Variants in TMEM128 observed in about 807,000 individuals in gnomAD.
TMEM128 encodes the protein transmembrane protein 128.
TMEM128 carries 16 observed loss-of-function variants against 19.7 expected under a neutral mutation model. The observed-to-expected ratio is 0.81, with a 90% CI of 0.55 to 1.23. The LOEUF is 1.23. Ranked by LOEUF, TMEM128 falls within the 50% of genes most tolerant of loss-of-function variation. The probability of loss-of-function intolerance (pLI) is 0.00; values close to 1 mark genes in which losing one functional copy is unlikely to be tolerated. For missense variants in TMEM128, 237 were observed against 200.8 expected, an observed-to-expected ratio of 1.18 and a Z score of -1.09; for synonymous variants, 98 against 75.8, an observed-to-expected ratio of 1.29 and a Z score of -1.52.
intron 1 of TMEM128, chr4:4,247,460 A>T: frequency 3.5e-6 from 4 of 1,133,432 alleles, no homozygotes; most frequent in Non-Finnish European, 5.0e-6. Context: ...AAAACATATG[A>T]GATAAAAAAT....
rs147522768 is a variant in TMEM128 at position 4,237,885 on chromosome 4, A to G, written c.449T>C (p.Leu150Ser). The G allele has an allele frequency of 1.6e-4, 259 of 1,607,938 alleles. No individual in the cohort carries two copies. The highest frequency in any genetic ancestry group is 2.1e-4 in the Non-Finnish European group (250 of 1,176,762). Residue 150 changes from leucine (L) to serine (S), a missense_variant, in exon 4 of 5, where the codon TTG becomes TCG. By Grantham distance (145) the Leu-to-Ser change is moderately radical. Transcript: ENST00000382753. ...HVWSFFTPLL[L>S]FTQFMGVVMF... ...GACAACCCCCATAAACTGGGTAAAC[A>G]ACAACAATGGAGTGAAAAACGACCA...
intron 2 of TMEM128, among the ~76,000 whole-genome samples, chr4:4,244,457 G>C (rs1019297589): frequency 6.6e-6 from 1 of 152,160 alleles, no homozygotes; most frequent in Non-Finnish European, 1.5e-5. Context: ...CTGGGTGACA[G>C]AGTGCAGCGA....
intron 3 of TMEM128, among the ~76,000 whole-genome samples, chr4:4,239,077 A>T (rs1717841080): frequency 6.6e-6 from 1 of 152,096 alleles, no homozygotes; most frequent in South Asian, 2.1e-4. Context: ...AGAAAGAAAA[A>T]ACTAGAGAGC....
intron 2 of TMEM128, among the ~76,000 whole-genome samples, chr4:4,243,791 T>C (rs1364630974): frequency 6.6e-6 from 1 of 151,972 alleles, no homozygotes; most frequent in East Asian, 1.9e-4. Context: ...AGTTATGTGG[T>C]CCTGGGCACT....
intron 2 of TMEM128, among the ~76,000 whole-genome samples, chr4:4,244,511 C>G (rs545513030): frequency 1.3e-5 from 2 of 152,252 alleles, no homozygotes; most frequent in African/African-American, 4.8e-5. Context: ...ATCCATCCCT[C>G]TTTTCCCAGC....
chr4:4,243,168 C>T (rs908150686), intron 2 of TMEM128, among the ~76,000 whole-genome samples: 1 of 152,194 alleles, frequency 6.6e-6, no homozygotes, highest in Non-Finnish European at 1.5e-5. Flanking sequence ...CAATCTCCAC[C>T]TGCTGGGTTC....
rs1413468656 is a variant in TMEM128, at chr4:4,235,617, G to A, written c.*649C>T. ...AAAAGTGATTAAAACTTCACATTAG[G>A]AAATGCTAAAAACCCAGTAATGTAC... On this transcript the variant is annotated 3_prime_UTR_variant, in exon 5 of 5. Coordinates refer to ENST00000382753, the MANE Select transcript of TMEM128 (RefSeq NM_001297551.2). The A allele has an allele frequency of 6.6e-6, 1 of 152,500 alleles. No homozygotes were observed. Among genetic ancestry groups the A allele is most frequent in the South Asian group, 2.1e-4 (1 of 4,822 alleles). The allele number at this position is 152,500 out of a possible 1,614,324, so 9.4% of individuals were successfully genotyped here.
At chr4:4,245,556 G>A (rs1017946025) in intron 2 of TMEM128, among the ~76,000 whole-genome samples, 2 of 152,036 alleles carry the variant, frequency 1.3e-5, no homozygotes, top group Non-Finnish European at 2.9e-5. Flanking sequence ...AAATGGATTA[G>A]GTTCTTCTTA....
chr4:4,247,719 T>G, intron 1 of TMEM128: 1 of 1,594,196 alleles, frequency 6.3e-7, no homozygotes, highest in East Asian at 2.2e-5. Flanking sequence ...CAAATTTACT[T>G]AAACAGCTTT....
intron 2 of TMEM128, among the ~76,000 whole-genome samples, chr4:4,242,581 C>G (rs913075746): frequency 6.6e-6 from 1 of 151,808 alleles, no homozygotes; most frequent in East Asian, 2.0e-4. Flanking sequence ...TGCAATGGCA[C>G]GATCTCGGCT....
chr4:4,238,092 T>C (rs1336546846), intron 3 of TMEM128, among the ~76,000 whole-genome samples, 157 bp from the exon 4 acceptor site: 9 of 152,250 alleles, frequency 5.9e-5, no homozygotes, highest in Non-Finnish European at 5.9e-5. Context: ...TAGCCAATGC[T>C]GGAAAGGAAA....
At chr4:4,244,129 C>T (rs67916276) in intron 2 of TMEM128, among the ~76,000 whole-genome samples, 25,315 of 152,044 alleles carry the variant, frequency 0.17, 2,196 homozygotes, top group East Asian at 0.3. Flanking sequence ...TCTCAGCCTC[C>T]ATAAAGTATC....
At chr4:4,236,487 G>A (rs1455584404) in intron 4 of TMEM128, among the ~76,000 whole-genome samples, 1 of 152,164 alleles carries the variant, frequency 6.6e-6, no homozygotes, top group African/African-American at 2.4e-5. Flanking sequence ...CAAAGAAGGG[G>A]CTGAGAACAC....
At chr4:4,246,088 C>T (rs767552155) in intron 2 of TMEM128, 114 bp downstream of exon 2, 5 of 1,118,534 alleles carry the variant, frequency 4.5e-6, no homozygotes, top group Admixed American at 5.5e-5. Context: ...ACACCTCCAA[C>T]ACAGGGCCTG....
intron 3 of TMEM128, among the ~76,000 whole-genome samples, chr4:4,238,859 C>A (rs1309288426): frequency 6.6e-6 from 1 of 152,080 alleles, no homozygotes; most frequent in East Asian, 1.9e-4. Context: ...ACAGCGAAAC[C>A]CCATCTCTAC....
At chr4:4,242,390 T>C (rs1577196506) in intron 2 of TMEM128, among the ~76,000 whole-genome samples, 1 of 151,928 alleles carries the variant, frequency 6.6e-6, no homozygotes, top group African/African-American at 2.4e-5. Flanking sequence ...ATAAATGATA[T>C]AGTTTATCTA....
Position 4,248,089 on chromosome 4 carries a change from C to T in TMEM128, c.97+17G>A, listed in dbSNP as rs1391535708. The T allele has an allele frequency of 6.5e-7, 1 of 1,535,526 alleles. No homozygotes were observed. Among genetic ancestry groups the T allele is most frequent in the Non-Finnish European group, 8.7e-7 (1 of 1,144,204 alleles). The stretch of plus-strand genomic sequence containing the variant: ...CTCGCCTCTGAGAACCTCGGGGCGG[C>T]TTGGTGCGCGCCTCACCCGGCCCGG... On this transcript the variant is annotated intron_variant, in intron 1 of 4. Transcript: ENST00000382753.
chr4:4,235,725 A>G lies in TMEM128; in HGVS notation c.*541T>C, dbSNP rs1717692209. ...ACCTAACAAAACTATCATAAATATG[A>G]GATTATAGTAATTACTAAAGCTGGT... On this transcript the variant is annotated 3_prime_UTR_variant, in exon 5 of 5. Coordinates refer to ENST00000382753, the MANE Select transcript of TMEM128 (RefSeq NM_001297551.2). 1 of 152,682 alleles carries G rather than the reference A, an allele frequency of 6.5e-6. No individual in the cohort carries two copies. Among genetic ancestry groups the G allele is most frequent in the African/African-American group, 2.4e-5 (1 of 41,472 alleles). 9.5% of individuals were successfully genotyped at this position (152,682 alleles called of 1,614,324 possible).
intron 2 of TMEM128, among the ~76,000 whole-genome samples, chr4:4,243,167 C>A (rs1718029988): frequency 6.6e-6 from 1 of 152,196 alleles, no homozygotes; most frequent in Non-Finnish European, 1.5e-5. Flanking sequence ...GCAATCTCCA[C>A]CTGCTGGGTT....
Sources: allele counts gnomAD v4.1 joint callset (sites outside exome capture counted in the v4.1 genomes callset), GRCh38; gene constraint gnomAD v4.1.1; transcripts MANE v1.5; gene names NCBI Gene and HGNC (gene_info 2026-07-23, HGNC 2026-07-21).